Variants in DLG2 observed in about 807,000 individuals in gnomAD.
The protein encoded by DLG2 is disks large homolog 2.
In DLG2, 45 loss-of-function variants were observed where a neutral mutation model predicts 132.5. That is an observed-to-expected ratio of 0.34 (90% CI 0.27 to 0.44). The LOEUF (loss-of-function observed/expected upper bound fraction) is 0.44, where lower values mean the gene tolerates loss of function less well. Ranked by LOEUF, DLG2 falls within the 20% of genes least tolerant of loss-of-function variation. The probability of loss-of-function intolerance (pLI) is 1.00; values close to 1 mark genes in which losing one functional copy is unlikely to be tolerated. For missense variants in DLG2, 1,045 were observed against 1,196.9 expected (o/e 0.87, Z 1.87); for synonymous variants, 424 against 419.6 (o/e 1.01, Z -0.13).
chr11:83,889,237 A>C (rs1180471071), intron 15 of DLG2, among the ~76,000 whole-genome samples: 1 of 152,066 alleles, frequency 6.6e-6, no homozygotes, highest in Admixed American at 6.5e-5. Flanking sequence ...CAGAATCTAC[A>C]ATGAACTCAA....
chr11:84,270,745 C>T (rs950414924), intron 7 of DLG2, among the ~76,000 whole-genome samples: 20 of 152,162 alleles, frequency 1.3e-4, no homozygotes, highest in Middle Eastern at 3.2e-3. Context: ...TACTTGCTTA[C>T]GACCTTTTCA....
At chr11:84,985,579 C>T (rs1488535868) in intron 6 of DLG2, among the ~76,000 whole-genome samples, 1 of 152,012 alleles carries the variant, frequency 6.6e-6, no homozygotes, top group Non-Finnish European at 1.5e-5. Context: ...AAAAGACAAA[C>T]ATGAACAAAC....
At chr11:83,678,390 G>C (rs1184126441) in intron 18 of DLG2, among the ~76,000 whole-genome samples, 2 of 152,188 alleles carry the variant, frequency 1.3e-5, no homozygotes, top group Admixed American at 6.5e-5. Context: ...AACATAAGCA[G>C]AAGCTCCCAG....
intron 6 of DLG2, among the ~76,000 whole-genome samples, chr11:84,638,768 T>G (rs1011324310): frequency 9.9e-5 from 15 of 152,154 alleles, no homozygotes; most frequent in African/African-American, 3.6e-4. Flanking sequence ...TCAGAAATTA[T>G]TAGTTTGATT....
intron 4 of DLG2, among the ~76,000 whole-genome samples, chr11:85,204,817 C>T (rs1390084894): frequency 6.6e-6 from 1 of 152,108 alleles, no homozygotes; most frequent in Non-Finnish European, 1.5e-5. Flanking sequence ...CATCATGGTA[C>T]TGGCATAAAA....
At chr11:83,688,642 T>G (rs922129751) in intron 18 of DLG2, among the ~76,000 whole-genome samples, 1 of 152,194 alleles carries the variant, frequency 6.6e-6, no homozygotes, top group Non-Finnish European at 1.5e-5. Flanking sequence ...TGCATACATA[T>G]AAACATAAGT....
chr11:84,216,900 A>G (rs993369700), intron 8 of DLG2, among the ~76,000 whole-genome samples: 1 of 152,198 alleles, frequency 6.6e-6, no homozygotes, highest in Non-Finnish European at 1.5e-5. Context: ...AGCTGGCATT[A>G]TGGAATCATG....
At chr11:83,877,611 AG>A (rs2154070785) in intron 15 of DLG2, among the ~76,000 whole-genome samples, 1 of 152,306 alleles carries the variant, frequency 6.6e-6, no homozygotes, top group East Asian at 1.9e-4. Flanking sequence ...AGGTGCACAG[AG>A]AATTTGACTC....
intron 6 of DLG2, among the ~76,000 whole-genome samples, chr11:84,548,328 C>T (rs1019851): frequency 0.076 from 11,572 of 151,852 alleles, 552 homozygotes; most frequent in Admixed American, 0.14. Context: ...ATGTGCACAA[C>T]GTGCAGGTTT....
At chr11:84,335,036 A>G (rs1207828276) in intron 7 of DLG2, among the ~76,000 whole-genome samples, 1 of 152,084 alleles carries the variant, frequency 6.6e-6, no homozygotes, top group East Asian at 1.9e-4. Flanking sequence ...TGCAGCCTCA[A>G]AAATATATGA....
rs959293707 is a variant in DLG2, at chr11:83,514,700, G to T, written c.2193+18008C>A. Reference sequence around the variant, plus strand: ...ATAGCTCTTATTATTTTGAGATACGGCCCATCAATACCTAATTTATTGAGA... The same window carrying T: ...ATAGCTCTTATTATTTTGAGATACGTCCCATCAATACCTAATTTATTGAGA... On this transcript the variant is annotated intron_variant, in intron 21 of 27. Coordinates refer to ENST00000376104, the MANE Select transcript of DLG2 (RefSeq NM_001142699.3). Among the ~76,000 whole-genome samples, 303 of 152,166 alleles carry T rather than the reference G, an allele frequency of 2.0e-3. 4 individuals carry two copies. The highest frequency in any genetic ancestry group is 6.9e-3 in the African/African-American group (286 of 41,548).
intron 11 of DLG2, among the ~76,000 whole-genome samples, chr11:83,995,094 T>C (rs1729482924): frequency 6.6e-6 from 1 of 151,268 alleles, no homozygotes; most frequent in Non-Finnish European, 1.5e-5. Flanking sequence ...GTCATATACA[T>C]AGGAATGGGG....
chr11:85,053,604 C>CAT (rs2063125026), intron 6 of DLG2, among the ~76,000 whole-genome samples: 1 of 136,494 alleles, frequency 7.3e-6, no homozygotes, highest in African/African-American at 2.8e-5. Context: ...CTGCCTAACA[C>CAT]GGTGAAACCC....
intron 6 of DLG2, among the ~76,000 whole-genome samples, chr11:84,934,593 A>G (rs1229491902): frequency 1.7e-5 from 2 of 118,526 alleles, no homozygotes; most frequent in African/African-American, 3.2e-5. Context: ...CCTCATTATT[A>G]GTCTGTTACA....
chr11:83,884,025 G>A (rs373335698), intron 15 of DLG2, among the ~76,000 whole-genome samples: 83 of 151,096 alleles, frequency 5.5e-4, no homozygotes, highest in African/African-American at 1.9e-3. Flanking sequence ...CGCAGAAGAC[G>A]GGTGATTTCT....
At chr11:83,874,697 C>T (rs955118103) in intron 15 of DLG2, among the ~76,000 whole-genome samples, 1 of 152,008 alleles carries the variant, frequency 6.6e-6, no homozygotes, top group Non-Finnish European at 1.5e-5. Context: ...AAACACAGAT[C>T]ATTTATTTAA....
rs573920951 is a variant in DLG2, at chr11:84,143,092, T to C, written c.624+20369A>G. ...CCTATCCTGACTGATACAGTGTCTT[T>C]GTAGAATTTCAGTTTCAACGTTGAG... On this transcript the variant is annotated intron_variant, in intron 9 of 27. Coordinates refer to ENST00000376104, the MANE Select transcript of DLG2 (RefSeq NM_001142699.3). Among the ~76,000 whole-genome samples, 284 of 152,300 alleles carry C rather than the reference T, an allele frequency of 1.9e-3. 2 individuals are homozygous for C. Among genetic ancestry groups the C allele is most frequent in the African/African-American group, 6.7e-3 (279 of 41,562 alleles).
At chr11:83,837,308 G>C (rs1289362355) in intron 16 of DLG2, among the ~76,000 whole-genome samples, 1 of 152,166 alleles carries the variant, frequency 6.6e-6, no homozygotes, top group Non-Finnish European at 1.5e-5. Flanking sequence ...TACGAGTTCA[G>C]CTCCCCACTA....
intron 19 of DLG2, among the ~76,000 whole-genome samples, chr11:83,570,250 G>A (rs2096776367): frequency 6.6e-6 from 1 of 152,132 alleles, no homozygotes; most frequent in African/African-American, 2.4e-5. Flanking sequence ...AAGTTCACAG[G>A]TAAAACTCTG....
Sources: gnomAD v4.1 joint callset for allele counts (sites outside exome capture counted in the v4.1 genomes callset) on GRCh38, gnomAD v4.1.1 for gene constraint, MANE v1.5 for transcripts, NCBI Gene and HGNC (gene_info 2026-07-23, HGNC 2026-07-21) for gene names.